The following RBFOX1 variants were observed in gnomAD, a reference collection of about 807,000 sequenced individuals.
RBFOX1 encodes RNA binding fox-1 homolog 1, also known as RNA binding protein fox-1 homolog 1.
A neutral mutation model predicts 57.7 loss-of-function variants in RBFOX1; 8 were observed. That is an observed-to-expected ratio of 0.14 (90% confidence interval 0.08 to 0.25). The LOEUF is 0.25. RBFOX1 is among the 10% of genes least tolerant of loss of function. The pLI, the probability that RBFOX1 is intolerant of heterozygous loss-of-function variation, is 1.00. For synonymous variants in RBFOX1, 326 were observed against 222.4 expected (o/e 1.47, Z -4.15); for missense variants, 611 against 548.5 (o/e 1.11, Z -1.14).
intron 1 of RBFOX1, among the ~76,000 whole-genome samples, chr16:5,435,242 A>G (rs2067880312): frequency 6.6e-6 from 1 of 152,172 alleles, no homozygotes; most frequent in Non-Finnish European, 1.5e-5. Flanking sequence ...GTCTATGAAG[A>G]AAAGGTTAAA....
intron 4 of RBFOX1, among the ~76,000 whole-genome samples, chr16:7,411,862 C>G (rs1241414621): frequency 6.9e-6 from 1 of 145,952 alleles, no homozygotes; most frequent in African/African-American, 2.6e-5. Flanking sequence ...AAGATCATGC[C>G]ATTGCATTCC....
intron 4 of RBFOX1, among the ~76,000 whole-genome samples, chr16:6,002,678 T>G (rs2152330700): frequency 6.6e-6 from 1 of 152,348 alleles, no homozygotes; most frequent in East Asian, 1.9e-4. Context: ...TTCTAGCACA[T>G]GATAGGCACT....
intron 1 of RBFOX1, among the ~76,000 whole-genome samples, chr16:5,459,169 G>C (rs2068716896): frequency 6.6e-6 from 1 of 152,180 alleles, no homozygotes; most frequent in East Asian, 1.9e-4. Flanking sequence ...ATTCTAGGCA[G>C]TAATGACATA....
intron 3 of RBFOX1, among the ~76,000 whole-genome samples, chr16:5,668,913 G>C (rs184906112): frequency 6.6e-6 from 1 of 152,244 alleles, no homozygotes; most frequent in East Asian, 1.9e-4. Context: ...TTTGGAGATG[G>C]ATACTCAGGC....
chr16:5,899,495 C>T (rs1801880333), intron 4 of RBFOX1, among the ~76,000 whole-genome samples: 1 of 152,174 alleles, frequency 6.6e-6, no homozygotes, highest in African/African-American at 2.4e-5. Flanking sequence ...GCTGAATTCT[C>T]TGCTTGACTA....
chr16:6,444,957 G>A (rs1004247993), intron 2 of RBFOX1, among the ~76,000 whole-genome samples: 2 of 152,026 alleles, frequency 1.3e-5, no homozygotes, highest in Admixed American at 6.6e-5. Context: ...TGGATTTGAG[G>A]GAGAGTAAAA....
intron 4 of RBFOX1, among the ~76,000 whole-genome samples, chr16:7,467,030 T>C (rs17673940): frequency 0.023 from 3,442 of 152,312 alleles, 46 homozygotes; most frequent in Middle Eastern, 0.048. Flanking sequence ...ATATGTCTCT[T>C]ATCTCTATGT....
intron 3 of RBFOX1, among the ~76,000 whole-genome samples, chr16:6,929,980 G>C (rs778584486): frequency 3.9e-5 from 6 of 152,116 alleles, no homozygotes; most frequent in Non-Finnish European, 7.3e-5. Flanking sequence ...TGGCAAACCT[G>C]TCCAGGAAGT....
At chr16:6,129,469 T>C (rs2152669005) in intron 1 of RBFOX1, among the ~76,000 whole-genome samples, 1 of 152,146 alleles carries the variant, frequency 6.6e-6, no homozygotes, top group Non-Finnish European at 1.5e-5. Flanking sequence ...AATTATTCAA[T>C]CTGAAGAATA....
chr16:5,702,222 A>T (rs12922315), intron 3 of RBFOX1, among the ~76,000 whole-genome samples: 1 of 152,094 alleles, frequency 6.6e-6, no homozygotes, highest in Admixed American at 6.5e-5. Flanking sequence ...GGGAGACCTC[A>T]GGAAACTTAC....
At chr16:5,602,938 G>T (rs532660951), downstream of RBFOX1, among the ~76,000 whole-genome samples, 23 of 152,320 alleles carry the variant, frequency 1.5e-4, 1 homozygote, top group South Asian at 1.4e-3. Flanking sequence ...TTCATTCTCA[G>T]TTGTCATGGA....
chr16:7,258,495 C>T (rs145156761), intron 4 of RBFOX1, among the ~76,000 whole-genome samples: 109 of 152,070 alleles, frequency 7.2e-4, no homozygotes, highest in Middle Eastern at 3.4e-3. Context: ...AGGGGGGAGG[C>T]GAATTACTGC....
chr16:6,106,334 G>A (rs2096378442), intron 1 of RBFOX1, among the ~76,000 whole-genome samples: 1 of 151,754 alleles, frequency 6.6e-6, no homozygotes, highest in African/African-American at 2.4e-5. Flanking sequence ...GATGACAGGT[G>A]TCTGTAATAT....
At chr16:7,044,943 C>T (rs915044617) in intron 3 of RBFOX1, among the ~76,000 whole-genome samples, 7 of 152,132 alleles carry the variant, frequency 4.6e-5, no homozygotes, top group African/African-American at 1.7e-4. Context: ...CTTACTGAGT[C>T]TTCCAAGAAT....
downstream of RBFOX1, among the ~76,000 whole-genome samples, chr16:5,601,912 C>A (rs746603228): frequency 5.9e-5 from 9 of 152,210 alleles, no homozygotes; most frequent in African/African-American, 2.2e-4. Context: ...CAGGTATTTC[C>A]TGGCCCCCAA....
intron 3 of RBFOX1, among the ~76,000 whole-genome samples, chr16:6,877,207 T>C (rs2062008467): frequency 6.6e-6 from 1 of 152,174 alleles, no homozygotes. Flanking sequence ...AAAGTGCATT[T>C]AACATTTTTA....
intron 1 of RBFOX1, among the ~76,000 whole-genome samples, chr16:6,244,056 A>T (rs1324306527): frequency 1.3e-5 from 2 of 152,142 alleles, no homozygotes; most frequent in East Asian, 1.9e-4. Context: ...TCTCTCATTT[A>T]GGGAGTTGTA....
chr16:6,549,868 G>C lies in RBFOX1; in HGVS notation c.-63-104735G>C, dbSNP rs537933981. 8.9e-4 allele frequency among the ~76,000 whole-genome samples: 136 copies of C among 152,274 alleles called. 1 individual carries two copies. Among genetic ancestry groups the C allele is most frequent in the African/African-American group, 3.2e-3 (133 of 41,550 alleles). ...GGAAACACAAGCACACAGTAGTAGA[G>C]AGACCTTCTCATGGACCCTTACGTA... is the stretch of plus-strand genomic sequence containing the variant. On this transcript the variant is annotated intron_variant, in intron 2 of 15. Transcript: ENST00000550418.
At chr16:6,940,167 G>A (rs1245576806) in intron 3 of RBFOX1, among the ~76,000 whole-genome samples, 1 of 151,818 alleles carries the variant, frequency 6.6e-6, no homozygotes, top group Non-Finnish European at 1.5e-5. Flanking sequence ...ACTCCAGTCT[G>A]GGCAACAGAG....
Sources: allele counts gnomAD v4.1 joint callset (sites outside exome capture counted in the v4.1 genomes callset), GRCh38; gene constraint gnomAD v4.1.1; transcripts MANE v1.5; gene names NCBI Gene and HGNC (gene_info 2026-07-23, HGNC 2026-07-21).